Variants in ZNF761 observed in about 807,000 individuals in gnomAD.
ZNF761 encodes the protein zinc finger protein 761.
Under a neutral mutation model 59.9 loss-of-function variants are expected in ZNF761, and 43 were observed. That is an observed-to-expected ratio of 0.72 (90% confidence interval 0.56 to 0.92). The LOEUF (loss-of-function observed/expected upper bound fraction) is 0.92. Among genes scored for constraint, ZNF761 ranks in the 40% least tolerant of loss-of-function variants. The probability of loss-of-function intolerance (pLI) is 0.00; values close to 1 mark genes in which losing one functional copy is unlikely to be tolerated. For missense variants in ZNF761, 850 were observed against 906.1 expected (o/e 0.94, Z 0.79); for synonymous variants, 294 against 304.8 (o/e 0.96, Z 0.37).
At chr19:53,442,872 ATGT>A (rs2147128688) in intron 1 of ZNF761, 1 of 368,882 alleles carries the variant, frequency 2.7e-6, no homozygotes, top group East Asian at 5.0e-5. Flanking sequence ...TTTAAAAATC[ATGT>A]TGTGAAAAAA....
At chr19:53,438,269 G>A (rs1470200635) in intron 1 of ZNF761, among the ~76,000 whole-genome samples, 5 of 152,130 alleles carry the variant, frequency 3.3e-5, no homozygotes, top group Middle Eastern at 3.2e-3. Flanking sequence ...ATGTGGCACC[G>A]GGACAGTTAG....
intron 1 of ZNF761, 95 bp from the exon 2 acceptor site, chr19:53,446,132 G>A (rs1362106806): frequency 6.3e-6 from 1 of 157,922 alleles, no homozygotes; most frequent in Non-Finnish European, 1.4e-5. Context: ...CCCATCTGAA[G>A]TTCCCTCTGC....
chr19:53,455,229 A>G lies in ZNF761; in HGVS notation c.722A>G (p.Lys241Arg). The G allele has an allele frequency of 6.2e-7, 1 of 1,614,208 alleles. No individual in the cohort carries two copies. The highest frequency in any genetic ancestry group is 8.5e-7 in the Non-Finnish European group (1 of 1,180,028). The change falls in exon 5 of 5, where the codon AAA becomes AGA. Residue 241 changes from lysine (K) to arginine (R), a missense_variant. Coordinates refer to ENST00000684525, the MANE Select transcript of ZNF761 (RefSeq NM_001289951.2). ...RKHQIIHLADKYKCDVCGKLF... is the reference protein window; with the variant it reads ...RKHQIIHLADRYKCDVCGKLF... ...CATCAGATAATCCATTTAGCAGACA[A>G]ATATAAATGTGATGTATGTGGCAAG...
intron 2 of ZNF761, among the ~76,000 whole-genome samples, chr19:53,446,957 C>T (rs2086166751): frequency 7.4e-6 from 1 of 134,978 alleles, no homozygotes. Flanking sequence ...GGTCTAGGGA[C>T]CCAGGGCTGG....
intron 4 of ZNF761, among the ~76,000 whole-genome samples, chr19:53,450,606 CTTTT>C (rs1316503436): frequency 2.0e-5 from 3 of 151,940 alleles, no homozygotes; most frequent in Admixed American, 1.3e-4. Context: ...TTATTTACTT[CTTTT>C]GTTTGTTTGT....
intron 1 of ZNF761, among the ~76,000 whole-genome samples, chr19:53,434,597 G>C (rs994724030): frequency 2.0e-5 from 3 of 152,088 alleles, no homozygotes; most frequent in Non-Finnish European, 2.9e-5. Context: ...TTATAATATT[G>C]CTGTCTTAAA....
intron 1 of ZNF761, among the ~76,000 whole-genome samples, chr19:53,433,362 A>T (rs1600077619): frequency 1.3e-5 from 2 of 151,642 alleles, no homozygotes; most frequent in African/African-American, 4.8e-5. Flanking sequence ...AAACAAGAAC[A>T]GCTAAATACA....
At chr19:53,454,155 T>C (rs2086243631) in intron 4 of ZNF761, among the ~76,000 whole-genome samples, 1 of 152,178 alleles carries the variant, frequency 6.6e-6, no homozygotes, top group Non-Finnish European at 1.5e-5. Context: ...TAATCTTTTC[T>C]TGTCTTCTCA....
chr19:53,445,291 A>G (rs1204039684), intron 1 of ZNF761: 1 of 152,200 alleles, frequency 6.6e-6, no homozygotes, highest in Non-Finnish European at 1.5e-5. Context: ...GAAAAATTAA[A>G]TGTCAGGAAT....
chr19:53,445,211 A>C (rs113966951), intron 1 of ZNF761: 50 of 151,802 alleles, frequency 3.3e-4, no homozygotes, highest in African/African-American at 1.2e-3. Flanking sequence ...CTCTTTCGCT[A>C]TTTTCAAGGT....
chr19:53,440,533 A>C (rs2086087403), intron 1 of ZNF761, among the ~76,000 whole-genome samples: 2 of 152,132 alleles, frequency 1.3e-5, no homozygotes, highest in Non-Finnish European at 2.9e-5. Context: ...GTCAGCTTCC[A>C]CTTGGAATCC....
intron 3 of ZNF761, 56 bp downstream of exon 3, chr19:53,447,339 C>T (rs535019197): frequency 6.2e-7 from 1 of 1,602,172 alleles, no homozygotes; most frequent in East Asian, 2.2e-5. Context: ...AAATGCTGGG[C>T]CTTGGAGTTG....
chr19:53,433,435 G>A (rs370588488), intron 1 of ZNF761, among the ~76,000 whole-genome samples: 8 of 73,912 alleles, frequency 1.1e-4, no homozygotes, highest in South Asian at 4.3e-4. Flanking sequence ...GCTGTCTGGA[G>A]CCCATTTCTT....
chr19:53,452,438 G>A (rs1457480842), intron 4 of ZNF761, among the ~76,000 whole-genome samples: 2 of 152,064 alleles, frequency 1.3e-5, no homozygotes, highest in African/African-American at 4.8e-5. Context: ...AGCCAACATT[G>A]CCCCACTACA....
chr19:53,448,994 G>T lies in ZNF761; in HGVS notation c.16-518G>T, dbSNP rs140998274. On this transcript the variant is annotated intron_variant, in intron 3 of 4. Coordinates refer to ENST00000684525, the MANE Select transcript of ZNF761 (RefSeq NM_001289951.2). ...GTTGTCATCTCTGAAGACATCACCC[G>T]TACTCTGTCTCATCTAGATACGGAA... 6.6e-5 allele frequency among the ~76,000 whole-genome samples: 10 copies of T among 152,090 alleles called. No individual in the cohort carries two copies. In the East Asian group the frequency reaches 1.9e-3, roughly 29 times the overall value.
chr19:53,439,456 G>T (rs2086076715), intron 1 of ZNF761, among the ~76,000 whole-genome samples: 1 of 151,924 alleles, frequency 6.6e-6, no homozygotes, highest in South Asian at 2.1e-4. Context: ...CAGGCCCCCA[G>T]ATTGTGGTAG....
At chr19:53,441,104 A>G (rs796322680) in intron 1 of ZNF761, among the ~76,000 whole-genome samples, 10 of 152,314 alleles carry the variant, frequency 6.6e-5, no homozygotes, top group African/African-American at 2.4e-4. Context: ...CAACATGGTG[A>G]AACCTGGTCT....
chr19:53,435,051 C>G (rs796431179), intron 1 of ZNF761, among the ~76,000 whole-genome samples: 1 of 151,870 alleles, frequency 6.6e-6, no homozygotes, highest in Non-Finnish European at 1.5e-5. Flanking sequence ...GTAAGTCTGG[C>G]TTTAGAATGG....
At chr19:53,432,364 G>T (rs560012688) in intron 1 of ZNF761, among the ~76,000 whole-genome samples, 1 of 152,150 alleles carries the variant, frequency 6.6e-6, no homozygotes, top group Non-Finnish European at 1.5e-5. Flanking sequence ...GGCCCCTGGA[G>T]CCCAGCGCCG....
Sources: allele counts gnomAD v4.1 joint callset (sites outside exome capture counted in the v4.1 genomes callset), GRCh38; gene constraint gnomAD v4.1.1; transcripts MANE v1.5; gene names NCBI Gene and HGNC (gene_info 2026-07-23, HGNC 2026-07-21).